DCST1: variants seen among roughly 807,000 people sequenced by gnomAD.
DCST1 encodes E3 ubiquitin-protein ligase DCST1.
A neutral mutation model predicts 89.1 loss-of-function variants in DCST1; 78 were observed. That is an observed-to-expected ratio of 0.88 (90% CI 0.73 to 1.06). DCST1 has a LOEUF of 1.06. Ranked by LOEUF, DCST1 falls within the 50% of genes least tolerant of loss-of-function variation. DCST1 has a pLI of 0.00. For synonymous variants in DCST1, 364 were observed against 371.9 expected, an observed-to-expected ratio of 0.98 and a Z score of 0.24; for missense variants, 900 against 928.6, an observed-to-expected ratio of 0.97 and a Z score of 0.40.
chr1:155,035,436 A>G (rs1157667821), intron 4 of DCST1, among the ~76,000 whole-genome samples: 2 of 152,048 alleles, frequency 1.3e-5, no homozygotes, highest in Non-Finnish European at 2.9e-5. Flanking sequence ...TTCTGGGATT[A>G]CAGGTGTAAG....
intron 4 of DCST1, chr1:155,035,110 G>T: frequency 4.5e-6 from 1 of 224,492 alleles, no homozygotes. Context: ...TGAGGATTTA[G>T]CAGTAAACAA....
In DCST1 at chr1:155,034,416, T is replaced by G. The variant is rs201254766; in HGVS notation, c.62-19T>G. On this transcript the variant is annotated intron_variant, in intron 2 of 16. Transcript: ENST00000295542. Reference sequence around the variant, plus strand: ...CAGGCAGAAGAGTGGGCTGTTGAGCTACCCTGTCCCCCTCTTAGCGGTGCA... The same window carrying G: ...CAGGCAGAAGAGTGGGCTGTTGAGCGACCCTGTCCCCCTCTTAGCGGTGCA... 2.5e-5 allele frequency: 40 copies of G among 1,613,960 alleles called. No individual in the cohort carries two copies. Among genetic ancestry groups the G allele is most frequent in the Non-Finnish European group, 3.4e-5 (40 of 1,180,026 alleles).
rs749258071 is a variant in DCST1, at chr1:155,044,881, A to C, written c.1173-1012A>C. 3.3e-5 allele frequency among the ~76,000 whole-genome samples: 5 copies of C among 152,058 alleles called. No homozygotes were observed. The East Asian group carries it at 9.6e-4, about 29-fold the overall frequency. On this transcript the variant is annotated intron_variant, in intron 10 of 16. Coordinates refer to ENST00000295542, the MANE Select transcript of DCST1 (RefSeq NM_152494.4). Reference sequence around the variant, plus strand: ...AGGTTAGGGAGCCTGGCCCGGGTAGAGCATGGCAGGAAGATGGCTTGAGAT... The same window carrying C: ...AGGTTAGGGAGCCTGGCCCGGGTAGCGCATGGCAGGAAGATGGCTTGAGAT...
rs751302972 is a variant in DCST1, at chr1:155,034,295, C to T, written c.62-140C>T. ...ATACCACTTCCTCAGGCTCCCTCATCCTCCTCCAGGGTCCCCTAAGTTCCT... is the reference window on the plus strand; with the variant it reads ...ATACCACTTCCTCAGGCTCCCTCATTCTCCTCCAGGGTCCCCTAAGTTCCT... On this transcript the variant is annotated intron_variant, in intron 2 of 16. Coordinates refer to ENST00000295542, the MANE Select transcript of DCST1 (RefSeq NM_152494.4). 2.1e-5 allele frequency: 34 copies of T among 1,593,868 alleles called. No homozygotes were observed. The South Asian group carries it at 3.7e-4, about 17-fold the overall frequency.
Position 155,033,837 on chromosome 1 carries a change from G to T in DCST1, c.-83G>T. 7.3e-7 allele frequency: 1 copy of T among 1,372,574 alleles called. No homozygotes were observed. Among genetic ancestry groups the T allele is most frequent in the Non-Finnish European group, 9.9e-7 (1 of 1,009,196 alleles). 85.0% of individuals were successfully genotyped at this position (1,372,574 alleles called of 1,614,324 possible). On this transcript the variant is annotated 5_prime_UTR_variant, in exon 1 of 17. In the 5' UTR this introduces an upstream ATG that the reference lacks. Transcript: ENST00000295542. The stretch of plus-strand genomic sequence containing the variant: ...CTTGGAATCCTTGACCCAGTTCCGA[G>T]GACTGGAGAGGGGATAGGTAGGTCT...
Position 155,050,611 on chromosome 1 carries a change from C to CA in DCST1, c.1870-4dup. On this transcript the variant is annotated splice_region_variant and splice_polypyrimidine_tract_variant and intron_variant, in intron 16 of 16. Coordinates refer to ENST00000295542, the MANE Select transcript of DCST1 (RefSeq NM_152494.4). ...CGGGCTGGCGCTAACGCCCACCTCC[C>CA]AACAGCGCCACCCGCTGGCGGATAT... 1 of 1,574,968 alleles carries CA rather than the reference C, an allele frequency of 6.3e-7. No individual in the cohort carries two copies. Among genetic ancestry groups the CA allele is most frequent in the Non-Finnish European group, 8.6e-7 (1 of 1,163,926 alleles).
chr1:155,045,528 C>G (rs1660590171), intron 10 of DCST1: 1 of 255,574 alleles, frequency 3.9e-6, no homozygotes, highest in African/African-American at 2.3e-5. Context: ...GAGTTTCCCC[C>G]TCTCTGTAAC....
At chr1:155,046,713 C>A (rs1369046338) in intron 13 of DCST1, among the ~76,000 whole-genome samples, 1 of 148,700 alleles carries the variant, frequency 6.7e-6, no homozygotes, top group Non-Finnish European at 1.5e-5. Context: ...TCAAGCAGTT[C>A]TCCTGCCTCA....
intron 2 of DCST1, 101 bp downstream of exon 2, chr1:155,034,198 C>G: frequency 6.5e-7 from 1 of 1,541,416 alleles, no homozygotes; most frequent in Non-Finnish European, 8.9e-7. Context: ...GGTGTCCGCG[C>G]CTCCACCACC....
chr1:155,049,826 C>T (rs572312735), intron 16 of DCST1, among the ~76,000 whole-genome samples: 6 of 152,294 alleles, frequency 3.9e-5, no homozygotes, highest in Non-Finnish European at 8.8e-5. Flanking sequence ...GATTCCTTGA[C>T]AGGGTCGTGA....
Position 155,048,190 on chromosome 1 carries a change from C to T in DCST1, c.1869+20C>T, listed in dbSNP as rs1272148811. On this transcript the variant is annotated intron_variant, in intron 16 of 16. Coordinates refer to ENST00000295542, the MANE Select transcript of DCST1 (RefSeq NM_152494.4). Reference sequence around the variant, plus strand: ...GCTCCGGTAAGTCCAGGCGTAAGTGCTGCTGCCAGCTCCTGGCTGGGTCTA... The same window carrying T: ...GCTCCGGTAAGTCCAGGCGTAAGTGTTGCTGCCAGCTCCTGGCTGGGTCTA... 6.2e-7 allele frequency: 1 copy of T among 1,603,022 alleles called. No individual in the cohort carries two copies.
intron 9 of DCST1, 35 bp from the exon 10 acceptor site, chr1:155,043,317 C>T: frequency 1.2e-6 from 2 of 1,613,580 alleles, no homozygotes; most frequent in Non-Finnish European, 1.7e-6. Context: ...GACGAGGTGG[C>T]CGCAGGCTGA....
At chr1:155,037,665 G>T (rs1424692041) in intron 4 of DCST1, among the ~76,000 whole-genome samples, 1 of 152,090 alleles carries the variant, frequency 6.6e-6, no homozygotes, top group African/African-American at 2.4e-5. Flanking sequence ...TCAAACTCCT[G>T]ACCTCAAGTG....
At chr1:155,036,782 G>A (rs11264298) in intron 4 of DCST1, among the ~76,000 whole-genome samples, 65,266 of 152,140 alleles carry the variant, frequency 0.43, 14,949 homozygotes, top group East Asian at 0.87. Flanking sequence ...GGCAATGCCC[G>A]GTTTCTTGCA....
chr1:155,034,757 C>CT (rs1558105217), intron 4 of DCST1, 30 bp downstream of exon 4: 1 of 1,612,686 alleles, frequency 6.2e-7, no homozygotes, highest in Non-Finnish European at 8.5e-7. Flanking sequence ...CAGGAACACT[C>CT]AAGCGGCCTG....
Position 155,040,536 on chromosome 1 carries a change from G to A in DCST1, c.443G>A (p.Gly148Asp), listed in dbSNP as rs1480140023. 31 of 1,593,938 alleles carry A rather than the reference G, an allele frequency of 1.9e-5. No homozygotes were observed. The highest frequency in any genetic ancestry group is 2.7e-5 in the Non-Finnish European group (31 of 1,169,316). ...HNLNNVIASLGCTVELQINNT... is the reference protein window; with the variant it reads ...HNLNNVIASLDCTVELQINNT... ...CTCAACAACGTGATCGCATCGCTGG[G>A]CTGCACCGTGGAGCTGCAGATCAAC... The change falls in exon 6 of 17, where the codon GGC (glycine) becomes GAC (aspartate). Residue 148 changes from glycine to aspartate, a missense_variant. Coordinates refer to ENST00000295542, the MANE Select transcript of DCST1 (RefSeq NM_152494.4).
chr1:155,043,236 C>T, intron 9 of DCST1, 116 bp from the exon 10 acceptor site: 2 of 1,492,144 alleles, frequency 1.3e-6, no homozygotes, highest in South Asian at 2.5e-5. Flanking sequence ...TCCTAGAGGT[C>T]CTGGGAGGGC....
intron 2 of DCST1, 44 bp from the exon 3 acceptor site, chr1:155,034,391 C>T (rs1216260212): frequency 6.2e-7 from 1 of 1,613,380 alleles, no homozygotes; most frequent in Admixed American, 1.7e-5. Flanking sequence ...AGCCCCATCC[C>T]AGGCAGAAGA....
chr1:155,034,374 C>T lies in DCST1; in HGVS notation c.62-61C>T, dbSNP rs776555046. The stretch of plus-strand genomic sequence containing the variant: ...CTCTATCCACCTGCAAGCCCTGAAT[C>T]CTAATGAGCCCCATCCCAGGCAGAA... On this transcript the variant is annotated intron_variant, in intron 2 of 16. Transcript: ENST00000295542. The T allele has an allele frequency of 1.9e-6, 3 of 1,612,224 alleles. No homozygotes were observed. In the Admixed American group the frequency reaches 5.0e-5, roughly 27 times the overall value.
Sources: allele counts gnomAD v4.1 joint callset (sites outside exome capture counted in the v4.1 genomes callset), GRCh38; gene constraint gnomAD v4.1.1; transcripts MANE v1.5; gene names NCBI Gene and HGNC (gene_info 2026-07-23, HGNC 2026-07-21).